ADK: variants seen among roughly 807,000 people sequenced by gnomAD.
ADK encodes the protein N6,N6-dimethyladenosine kinase.
A neutral mutation model predicts 44.7 loss-of-function variants in ADK; 24 were observed. That is an observed-to-expected ratio of 0.54 (90% CI 0.39 to 0.76). ADK has a LOEUF of 0.76. ADK is among the 30% of genes least tolerant of loss of function. The pLI, the probability that ADK is intolerant of heterozygous loss-of-function variation, is 0.00. For missense variants in ADK, 321 were observed against 425.1 expected, an observed-to-expected ratio of 0.76 and a Z score of 2.15; for synonymous variants, 128 against 142.6, an observed-to-expected ratio of 0.90 and a Z score of 0.73.
At chr10:74,640,853 G>T (rs980684822) in intron 9 of ADK, among the ~76,000 whole-genome samples, 6 of 152,196 alleles carry the variant, frequency 3.9e-5, no homozygotes, top group African/African-American at 2.4e-5. Context: ...CATATTAAGA[G>T]AATTATTTGA....
At chr10:74,435,325 A>G (rs897588733) in intron 6 of ADK, among the ~76,000 whole-genome samples, 3 of 152,194 alleles carry the variant, frequency 2.0e-5, no homozygotes, top group Non-Finnish European at 2.9e-5. Flanking sequence ...TGAGCCTCAC[A>G]GTAATCCAAT....
chr10:74,368,550 A>T (rs1161968261), intron 4 of ADK, among the ~76,000 whole-genome samples: 13 of 152,126 alleles, frequency 8.5e-5, no homozygotes, highest in Admixed American at 8.5e-4. Context: ...TAATCATGAT[A>T]AATGTTAGTG....
chr10:74,545,539 A>G (rs924913926), intron 7 of ADK, among the ~76,000 whole-genome samples: 2 of 152,204 alleles, frequency 1.3e-5, no homozygotes, highest in African/African-American at 4.8e-5. Context: ...TAAGAAACAG[A>G]AGATTTAAAT....
intron 7 of ADK, among the ~76,000 whole-genome samples, chr10:74,567,000 A>G (rs1230591902): frequency 6.6e-6 from 1 of 152,224 alleles, no homozygotes; most frequent in Admixed American, 6.5e-5. Context: ...TTAGAGTTAG[A>G]AAAGACTTTA....
intron 1 of ADK, among the ~76,000 whole-genome samples, chr10:74,190,770 T>G (rs1842928834): frequency 6.6e-6 from 1 of 152,160 alleles, no homozygotes; most frequent in African/African-American, 2.4e-5. Flanking sequence ...CTCCACTGGC[T>G]GCTAGGCTCC....
rs1265367553 is a variant in ADK, at chr10:74,539,901, A to T, written c.726+14475A>T. Among the ~76,000 whole-genome samples the T allele has an allele frequency of 2.6e-5, 4 of 152,262 alleles. No individual in the cohort carries two copies. The East Asian group carries it at 7.7e-4, about 29-fold the overall frequency. On this transcript the variant is annotated intron_variant, in intron 7 of 10. Transcript: ENST00000539909. The stretch of plus-strand genomic sequence containing the variant: ...TGAGATTGACTGTAGCACAAGGGAG[A>T]CTTCTGATGTCAGTGGCATGTTGTA...
intron 4 of ADK, among the ~76,000 whole-genome samples, chr10:74,319,887 A>T (rs1840751129): frequency 1.3e-5 from 2 of 152,140 alleles, no homozygotes; most frequent in South Asian, 4.2e-4. Flanking sequence ...CTTCTTATAT[A>T]TTATTACGCT....
At chr10:74,268,837 A>T (rs1846313422) in intron 3 of ADK, among the ~76,000 whole-genome samples, 1 of 152,208 alleles carries the variant, frequency 6.6e-6, no homozygotes, top group Non-Finnish European at 1.5e-5. Flanking sequence ...TAGCTTCTGT[A>T]AGATTTTTAC....
At chr10:74,175,373 T>TAA (rs1842295048) in intron 1 of ADK, among the ~76,000 whole-genome samples, 1 of 120,462 alleles carries the variant, frequency 8.3e-6, no homozygotes. Context: ...AGACTCCAGC[T>TAA]CAAAAAAAAA....
chr10:74,474,432 TTTTCTTTTCTTTC>T (rs1412883632), intron 6 of ADK, among the ~76,000 whole-genome samples: 12 of 151,938 alleles, frequency 7.9e-5, no homozygotes, highest in Non-Finnish European at 1.2e-4. Flanking sequence ...TTCAGTAGTC[TTTTCTTTTCTTTC>T]TTTCTTTTCT....
intron 7 of ADK, chr10:74,527,988 G>A (rs1849123634): frequency 2.5e-6 from 2 of 796,786 alleles, no homozygotes; most frequent in South Asian, 2.8e-5. Context: ...TATGGAAAAA[G>A]GCACCTGCAA....
rs551903807 is a variant in ADK at position 74,222,842 on chromosome 10, C to T, written c.141-1696C>T. On this transcript the variant is annotated intron_variant, in intron 2 of 10. Transcript: ENST00000539909. Reference sequence around the variant, plus strand: ...CACATGGACACAGGAAGGGGAACATCACACTCTGGGGACTGTTGTGGGGTG... The same window carrying T: ...CACATGGACACAGGAAGGGGAACATTACACTCTGGGGACTGTTGTGGGGTG... Among the ~76,000 whole-genome samples the T allele has an allele frequency of 5.1e-3, 657 of 127,784 alleles. 1 individual carries two copies. Among genetic ancestry groups the T allele is most frequent in the Middle Eastern group, 0.028 (5 of 178 alleles). 83.8% of individuals were successfully genotyped at this position (127,784 alleles called of 152,430 possible).
chr10:74,472,224 G>A (rs1846618603), intron 6 of ADK, among the ~76,000 whole-genome samples: 1 of 152,080 alleles, frequency 6.6e-6, no homozygotes, highest in Non-Finnish European at 1.5e-5. Context: ...GGCAAGGGGG[G>A]CATCCTTGCT....
rs530302999 is a variant in ADK, at chr10:74,642,323, C to CT, written c.878-27852dup. Among the ~76,000 whole-genome samples the CT allele has an allele frequency of 5.5e-3, 765 of 140,030 alleles. 8 individuals are homozygous for CT. The highest frequency in any genetic ancestry group is 0.019 in the African/African-American group (741 of 38,686). The allele number at this position is 140,030 out of a possible 152,430, so 91.9% of individuals were successfully genotyped here. Reference sequence around the variant, plus strand: ...TATTTGGAGTCCTCAATTTTTTTTTCTTTTTTTTCCTGGCTTACATTTTTT... The same window carrying CT: ...TATTTGGAGTCCTCAATTTTTTTTTCTTTTTTTTTCCTGGCTTACATTTTTT... On this transcript the variant is annotated intron_variant, in intron 9 of 10. Transcript: ENST00000539909.
chr10:74,422,314 G>A (rs1402103277), intron 6 of ADK, among the ~76,000 whole-genome samples: 1 of 152,198 alleles, frequency 6.6e-6, no homozygotes, highest in Non-Finnish European at 1.5e-5. Context: ...AAACTGTCAA[G>A]GTTGTGAACA....
chr10:74,697,471 A>G (rs1001115561), intron 10 of ADK, among the ~76,000 whole-genome samples: 1 of 152,172 alleles, frequency 6.6e-6, no homozygotes, highest in Non-Finnish European at 1.5e-5. Context: ...CAGGAGTACA[A>G]ACAAAAACAA....
At position 74,356,014 on chromosome 10, in the gene ADK, T is replaced by TTTTG. The variant is rs1554847185; in HGVS notation, c.274-38124_274-38123insGTTT. On this transcript the variant is annotated intron_variant, in intron 4 of 10. Transcript: ENST00000539909. ...CACTAAATAATTCATTTTTTTTTTT[T>TTTTG]TTTTTTTTTTTTTTTGAGACGGAGT... Among the ~76,000 whole-genome samples, 733 of 128,222 alleles carry TTTTG rather than the reference T, an allele frequency of 5.7e-3. 15 individuals are homozygous for TTTTG. The highest frequency in any genetic ancestry group is 9.8e-3 in the Non-Finnish European group (594 of 60,530). The allele number at this position is 128,222 out of a possible 152,430, so 84.1% of individuals were successfully genotyped here. A position where few individuals can be genotyped will look rare whatever the true frequency, so the allele number is the denominator to read the frequency against.
chr10:74,234,812 TAGA>T, intron 3 of ADK, among the ~76,000 whole-genome samples: 1 of 152,306 alleles, frequency 6.6e-6, no homozygotes, highest in South Asian at 2.1e-4. Context: ...TTCAATAATT[TAGA>T]AAAGTGATCT....
At chr10:74,254,340 AT>A (rs1591938448) in intron 3 of ADK, among the ~76,000 whole-genome samples, 3 of 152,008 alleles carry the variant, frequency 2.0e-5, no homozygotes, top group African/African-American at 7.2e-5. Flanking sequence ...TTCACACCTA[AT>A]TTTGTATTCC....
Sources: allele counts gnomAD v4.1 joint callset (sites outside exome capture counted in the v4.1 genomes callset), GRCh38; gene constraint gnomAD v4.1.1; transcripts MANE v1.5; gene names NCBI Gene and HGNC (gene_info 2026-07-23, HGNC 2026-07-21).